Variants in TPD52L2 observed in about 807,000 individuals in gnomAD.
TPD52L2 encodes TPD52 like 2, also known as tumor protein D54.
In TPD52L2, 19 loss-of-function variants were observed where a neutral mutation model predicts 24.7. The observed-to-expected ratio is 0.77, with a 90% CI of 0.54 to 1.13. TPD52L2 has a LOEUF of 1.13. Ranked by LOEUF, TPD52L2 falls within the 50% of genes most tolerant of loss-of-function variation. The pLI is 0.00. For synonymous variants in TPD52L2, 104 were observed against 100.2 expected (o/e 1.04, Z -0.23); for missense variants, 236 against 250.4 (o/e 0.94, Z 0.39).
At chr20:63,886,518 C>T (rs971455226) in intron 5 of TPD52L2, among the ~76,000 whole-genome samples, 49 of 152,246 alleles carry the variant, frequency 3.2e-4, no homozygotes, top group African/African-American at 8.9e-4. Flanking sequence ...CCCGCCGCCA[C>T]GCCCGGCTAA....
Position 63,869,323 on chromosome 20 carries a change from GT to G in TPD52L2, c.48del (p.Leu17CysfsTer6), listed in dbSNP as rs1568937920. ...QDINLNSPNK[G>X]LLSDSMTDVP... ...ATCAACCTGAATTCTCCTAACAAAG[GT>G]CTGCTGTCTGACTCCATGACGGATG... On this transcript the variant is annotated frameshift_variant, in exon 2 of 7. Coordinates refer to ENST00000346249, the MANE Select transcript of TPD52L2 (RefSeq NM_003288.4). LOFTEE classifies it high-confidence loss of function. 6.2e-7 allele frequency: 1 copy of G among 1,614,200 alleles called. No individual in the cohort carries two copies. The highest frequency in any genetic ancestry group is 1.1e-5 in the South Asian group (1 of 91,084).
chr20:63,866,651 C>T (rs1014375780), intron 1 of TPD52L2, among the ~76,000 whole-genome samples: 1 of 149,354 alleles, frequency 6.7e-6, no homozygotes, highest in Non-Finnish European at 1.5e-5. Flanking sequence ...TTAGTAGAGA[C>T]GGGGTTTCAC....
chr20:63,865,913 A>AG (rs1318573040), intron 1 of TPD52L2, among the ~76,000 whole-genome samples: 7 of 151,988 alleles, frequency 4.6e-5, no homozygotes, highest in Admixed American at 2.0e-4. Flanking sequence ...CCTCATGGAG[A>AG]GGGGGTGGAG....
chr20:63,886,389 C>T (rs1281864935), intron 5 of TPD52L2, among the ~76,000 whole-genome samples: 34 of 150,870 alleles, frequency 2.3e-4, no homozygotes, highest in Non-Finnish European at 7.4e-5. Context: ...TAGACGGAGT[C>T]TTGCTCTGTC....
intron 3 of TPD52L2, 78 bp from the exon 4 acceptor site, chr20:63,875,738 C>T: frequency 6.7e-7 from 1 of 1,481,800 alleles, no homozygotes; most frequent in South Asian, 1.2e-5. Flanking sequence ...TCTGTCTTCC[C>T]TGGAACTTCA....
chr20:63,865,854 C>T (rs1484791791), intron 1 of TPD52L2, among the ~76,000 whole-genome samples: 1 of 152,210 alleles, frequency 6.6e-6, no homozygotes, highest in Non-Finnish European at 1.5e-5. Flanking sequence ...TTCAGCAGAG[C>T]TCCCCTTGGG....
intron 4 of TPD52L2, among the ~76,000 whole-genome samples, chr20:63,882,025 C>T (rs1004049318): frequency 9.9e-5 from 15 of 152,130 alleles, no homozygotes; most frequent in African/African-American, 2.9e-4. Context: ...GGGATAGAAG[C>T]GGGGCCTTCA....
chr20:63,887,456 G>C, intron 5 of TPD52L2: 3 of 1,212,498 alleles, frequency 2.5e-6, no homozygotes, highest in Non-Finnish European at 3.7e-6. Flanking sequence ...TCCAACTGCT[G>C]GGAGTGGGGG....
At chr20:63,884,450 T>G (rs769994757) in intron 5 of TPD52L2, among the ~76,000 whole-genome samples, 1 of 152,186 alleles carries the variant, frequency 6.6e-6, no homozygotes, top group Non-Finnish European at 1.5e-5. Context: ...TTCAGACCAT[T>G]GTGGTGGAAA....
intron 4 of TPD52L2, among the ~76,000 whole-genome samples, chr20:63,879,002 C>T (rs1048389239): frequency 6.6e-6 from 1 of 152,182 alleles, no homozygotes; most frequent in African/African-American, 2.4e-5. Context: ...GCTCTCAGAA[C>T]AGGCCTGCAG....
intron 2 of TPD52L2, among the ~76,000 whole-genome samples, chr20:63,872,608 C>T (rs533085692): frequency 6.6e-6 from 1 of 152,156 alleles, no homozygotes; most frequent in East Asian, 1.9e-4. Flanking sequence ...AAACTCCTGA[C>T]CTCAGATAAT....
intron 4 of TPD52L2, among the ~76,000 whole-genome samples, chr20:63,878,925 C>G (rs2052791246): frequency 6.6e-6 from 1 of 152,214 alleles, no homozygotes. Flanking sequence ...GCTTCCCCAT[C>G]TGTCATGGAG....
intron 2 of TPD52L2, among the ~76,000 whole-genome samples, 181 bp from the exon 3 acceptor site, chr20:63,873,487 C>CA (rs111933772): frequency 3.2e-3 from 385 of 119,452 alleles, no homozygotes; most frequent in Middle Eastern, 4.5e-3. Flanking sequence ...AACTCCATCT[C>CA]AAAAAAAAAA....
Position 63,869,324 on chromosome 20 carries a change from T to A in TPD52L2, c.48T>A (p.Gly16=). The A allele has an allele frequency of 6.2e-7, 1 of 1,614,220 alleles. No homozygotes were observed. The highest frequency in any genetic ancestry group is 8.5e-7 in the Non-Finnish European group (1 of 1,180,034). The part of the protein sequence containing the change: ...QDINLNSPNK[G]LLSDSMTDVP... ...TCAACCTGAATTCTCCTAACAAAGG[T>A]CTGCTGTCTGACTCCATGACGGATG... The change falls in exon 2 of 7, where the codon GGT becomes GGA. Residue 16 remains glycine, a synonymous_variant. Transcript: ENST00000346249.
chr20:63,883,881 C>T (rs1389958358), intron 5 of TPD52L2, among the ~76,000 whole-genome samples: 1 of 152,014 alleles, frequency 6.6e-6, no homozygotes, highest in East Asian at 1.9e-4. Context: ...TGTCCTGCCT[C>T]CCCGCCTGTG....
chr20:63,879,398 T>C (rs2052811242), intron 4 of TPD52L2, among the ~76,000 whole-genome samples: 1 of 152,002 alleles, frequency 6.6e-6, no homozygotes, highest in Non-Finnish European at 1.5e-5. Context: ...CCCTCCTCCT[T>C]GTGTGGGTGG....
intron 1 of TPD52L2, 141 bp from the exon 2 acceptor site, chr20:63,869,155 C>A: frequency 1.0e-6 from 1 of 953,944 alleles, no homozygotes; most frequent in Non-Finnish European, 1.6e-6. Context: ...ATGCTGTCCT[C>A]ACAGACCTTT....
chr20:63,884,318 G>A (rs1427273727), intron 5 of TPD52L2, among the ~76,000 whole-genome samples: 5 of 152,268 alleles, frequency 3.3e-5, no homozygotes, highest in East Asian at 1.9e-4. Context: ...TTTTCTTCCC[G>A]AAAATGCTGG....
chr20:63,871,403 G>T (rs1000540233), intron 2 of TPD52L2, among the ~76,000 whole-genome samples: 2 of 151,842 alleles, frequency 1.3e-5, no homozygotes, highest in Admixed American at 1.3e-4. Context: ...AGGCTGGAGT[G>T]CAGTGGCGTG....
Sources: gnomAD v4.1 joint callset for allele counts (sites outside exome capture counted in the v4.1 genomes callset) on GRCh38, gnomAD v4.1.1 for gene constraint, MANE v1.5 for transcripts, NCBI Gene and HGNC (gene_info 2026-07-23, HGNC 2026-07-21) for gene names.